HDAC9: variants seen among roughly 807,000 people sequenced by gnomAD.
HDAC9 encodes MEF-2 interacting transcription repressor (MITR) protein.
Under a neutral mutation model 139.4 loss-of-function variants are expected in HDAC9, and 41 were observed. That is an observed-to-expected ratio of 0.29 (90% CI 0.23 to 0.38). HDAC9 has a LOEUF of 0.38. HDAC9 is among the 10% of genes least tolerant of loss of function. The probability of loss-of-function intolerance (pLI) is 1.00; values close to 1 mark genes in which losing one functional copy is unlikely to be tolerated. For missense variants in HDAC9, 1,147 were observed against 1,297.0 expected, an observed-to-expected ratio of 0.88 and a Z score of 1.78; for synonymous variants, 517 against 476.2, an observed-to-expected ratio of 1.09 and a Z score of -1.12.
chr7:18,936,854 CCTTTT>C (rs1472403205), intron 23 of HDAC9, among the ~76,000 whole-genome samples: 2 of 151,978 alleles, frequency 1.3e-5, no homozygotes, highest in East Asian at 3.9e-4. Context: ...ACAAAATGTA[CCTTTT>C]CTTCTGCACA....
chr7:18,664,838 C>A (rs1319604751), intron 11 of HDAC9, among the ~76,000 whole-genome samples: 2 of 152,146 alleles, frequency 1.3e-5, no homozygotes, highest in South Asian at 2.1e-4. Context: ...GTATTTGAAG[C>A]TTTCTAAGAC....
intron 1 of HDAC9, among the ~76,000 whole-genome samples, chr7:18,470,111 G>A (rs1287362637): frequency 6.6e-6 from 1 of 152,058 alleles, no homozygotes; most frequent in East Asian, 1.9e-4. Flanking sequence ...GCCAAGGTAG[G>A]AGGACCCCTT....
intron 22 of HDAC9, among the ~76,000 whole-genome samples, chr7:18,895,665 T>A (rs998919032): frequency 2.6e-5 from 4 of 152,124 alleles, no homozygotes; most frequent in Admixed American, 1.3e-4. Flanking sequence ...CTTGATACTT[T>A]CAGTTAATGC....
At chr7:18,102,365 T>C (rs1485348184) in intron 1 of HDAC9, among the ~76,000 whole-genome samples, 1 of 152,230 alleles carries the variant, frequency 6.6e-6, no homozygotes, top group Non-Finnish European at 1.5e-5. Context: ...AGACTAGAGT[T>C]ACTTTAGAAT....
At chr7:18,910,589 A>G (rs949728598) in intron 22 of HDAC9, among the ~76,000 whole-genome samples, 6 of 152,026 alleles carry the variant, frequency 3.9e-5, no homozygotes, top group Non-Finnish European at 8.8e-5. Flanking sequence ...TTGAATAAGA[A>G]TGGTGAAAGT....
At position 18,797,065 on chromosome 7, in the gene HDAC9, T is replaced by C. The variant is rs115440968; in HGVS notation, c.2322+3613T>C. Among the ~76,000 whole-genome samples, 331 of 152,320 alleles carry C rather than the reference T, an allele frequency of 2.2e-3. 2 individuals are homozygous for C. The highest frequency in any genetic ancestry group is 7.7e-3 in the African/African-American group (321 of 41,576). ...TGTTGCTAATAATAACTGCTACTCA[T>C]TGAGTGCCTTCTATAGGCAGCCAGT... On this transcript the variant is annotated intron_variant, in intron 17 of 25. Coordinates refer to ENST00000686413, the MANE Select transcript of HDAC9 (RefSeq NM_178425.4).
At chr7:18,803,336 G>T (rs1435154486) in intron 17 of HDAC9, among the ~76,000 whole-genome samples, 2 of 151,998 alleles carry the variant, frequency 1.3e-5, no homozygotes, top group East Asian at 1.9e-4. Context: ...GCACTGACGA[G>T]GTATGATTGT....
chr7:18,523,651 A>G (rs919948990), intron 2 of HDAC9, among the ~76,000 whole-genome samples: 1 of 152,204 alleles, frequency 6.6e-6, no homozygotes, highest in African/African-American at 2.4e-5. Flanking sequence ...GAGACTGATA[A>G]TAAATTATAA....
At chr7:18,158,968 G>A (rs1787425945) in intron 1 of HDAC9, among the ~76,000 whole-genome samples, 1 of 152,336 alleles carries the variant, frequency 6.6e-6, no homozygotes, top group Middle Eastern at 3.4e-3. Context: ...TGTAGTCAGA[G>A]ATGATCTTTT....
chr7:18,433,020 T>G (rs909865051), intron 1 of HDAC9, among the ~76,000 whole-genome samples: 9 of 151,710 alleles, frequency 5.9e-5, no homozygotes, highest in South Asian at 2.1e-4. Context: ...TCTATGATTA[T>G]ACACACATCA....
chr7:18,630,482 G>A lies in HDAC9; in HGVS notation c.796+1001G>A, dbSNP rs75288411. On this transcript the variant is annotated intron_variant, in intron 7 of 25. Transcript: ENST00000686413. ...AGACTGTGGAAGTGGTGGTAGAAAC[G>A]TGTATTTAGGTTCTAATGCAACCTG... 2.6e-3 allele frequency among the ~76,000 whole-genome samples: 388 copies of A among 152,136 alleles called. 1 individual carries two copies. Among genetic ancestry groups the A allele is most frequent in the African/African-American group, 8.7e-3 (361 of 41,528 alleles).
chr7:18,405,664 A>T (rs1056318148), intron 1 of HDAC9, among the ~76,000 whole-genome samples: 10 of 152,110 alleles, frequency 6.6e-5, no homozygotes, highest in African/African-American at 2.4e-4. Context: ...GATTTTCAAG[A>T]GAGAAAAAAA....
intron 13 of HDAC9, among the ~76,000 whole-genome samples, chr7:18,748,762 G>C (rs1476817851): frequency 6.6e-6 from 1 of 152,144 alleles, no homozygotes; most frequent in Non-Finnish European, 1.5e-5. Flanking sequence ...TCACTTTACA[G>C]ATTTACTAAA....
chr7:18,581,877 T>C (rs774712697), intron 2 of HDAC9, among the ~76,000 whole-genome samples: 10 of 152,240 alleles, frequency 6.6e-5, no homozygotes, highest in African/African-American at 1.2e-4. Context: ...TTCACAAATA[T>C]CATCTTTGAG....
chr7:18,670,863 C>T (rs1278864521), intron 12 of HDAC9, among the ~76,000 whole-genome samples: 1 of 147,762 alleles, frequency 6.8e-6, no homozygotes, highest in African/African-American at 2.6e-5. Flanking sequence ...GTGATTAGTA[C>T]TCTTTTTTTT....
At chr7:18,667,467 G>T (rs1485877581) in intron 12 of HDAC9, 2 of 984,488 alleles carry the variant, frequency 2.0e-6, no homozygotes, top group South Asian at 4.7e-5. Flanking sequence ...AATTAGAAAA[G>T]ATAGGTTTAA....
intron 1 of HDAC9, among the ~76,000 whole-genome samples, chr7:18,297,592 A>T (rs1368367564): frequency 3.3e-5 from 5 of 152,236 alleles, no homozygotes; most frequent in Non-Finnish European, 7.3e-5. Context: ...TGAATGCTAC[A>T]ATAACATTCT....
At chr7:18,636,198 A>C (rs1411940700) in intron 8 of HDAC9, among the ~76,000 whole-genome samples, 2 of 152,066 alleles carry the variant, frequency 1.3e-5, no homozygotes, top group Admixed American at 1.3e-4. Context: ...ATCTAATAGG[A>C]GATCCTGCAA....
At chr7:18,280,310 C>T (rs1797018702) in intron 2 of HDAC9, among the ~76,000 whole-genome samples, 1 of 152,090 alleles carries the variant, frequency 6.6e-6, no homozygotes, top group African/African-American at 2.4e-5. Flanking sequence ...AAATTAGCAG[C>T]TGGGTGCAGT....
Sources: allele counts gnomAD v4.1 joint callset (sites outside exome capture counted in the v4.1 genomes callset), GRCh38; gene constraint gnomAD v4.1.1; transcripts MANE v1.5; gene names NCBI Gene and HGNC (gene_info 2026-07-23, HGNC 2026-07-21).